The following RBBP8 variants were observed in gnomAD, a reference collection of about 807,000 sequenced individuals.
RBBP8 encodes RB binding protein 8, endonuclease, also known as DNA endonuclease RBBP8.
RBBP8 carries 88 observed loss-of-function variants against 108.3 expected under a neutral mutation model. That is an observed-to-expected ratio of 0.81 (90% CI 0.68 to 0.97). The LOEUF (loss-of-function observed/expected upper bound fraction) is 0.97, where lower values mean the gene tolerates loss of function less well. Among genes scored for constraint, RBBP8 ranks in the 50% least tolerant of loss-of-function variants. The pLI, the probability that RBBP8 is intolerant of heterozygous loss-of-function variation, is 0.00. For synonymous variants in RBBP8, 332 were observed against 348.2 expected, an observed-to-expected ratio of 0.95 and a Z score of 0.52; for missense variants, 1,023 against 1,049.0, an observed-to-expected ratio of 0.98 and a Z score of 0.34.
rs142117391 is a variant in RBBP8 at position 23,026,204 on chromosome 18, A to G, written c.2658A>G (p.Ala886=). Residue 886 remains alanine, a synonymous_variant, in exon 19 of 19, where the codon GCA becomes GCG. Coordinates refer to ENST00000327155, the MANE Select transcript of RBBP8 (RefSeq NM_002894.3). ...PRPKRRQPYN[A]IFSPKGKEQK... ...CAAAAAGACGTCAGCCTTACAACGCAATATTTTCTCCAAAAGGCAAGGAGC... is the reference window on the plus strand; with the variant it reads ...CAAAAAGACGTCAGCCTTACAACGCGATATTTTCTCCAAAAGGCAAGGAGC... 7.4e-6 allele frequency: 12 copies of G among 1,613,754 alleles called. No individual in the cohort carries two copies. In the African/African-American group the frequency reaches 1.1e-4, roughly 14 times the overall value.
chr18:22,990,892 AAC>A, intron 9 of RBBP8, 43 bp from the exon 10 acceptor site: 1 of 1,437,102 alleles, frequency 7.0e-7, no homozygotes, highest in Non-Finnish European at 9.8e-7. Flanking sequence ...TTTAAGAATG[AAC>A]AAATCCCATT....
chr18:22,975,111 T>C, intron 5 of RBBP8, 42 bp from the exon 6 acceptor site: 2 of 1,559,156 alleles, frequency 1.3e-6, no homozygotes, highest in Non-Finnish European at 8.8e-7. Context: ...TAGATGTTAA[T>C]ATAAATATAT....
rs748219926 is a variant in RBBP8 at position 22,993,599 on chromosome 18, G to A, written c.1772G>A (p.Arg591His). 48 of 1,614,074 alleles carry A rather than the reference G, an allele frequency of 3.0e-5. 1 individual carries two copies. The highest frequency in any genetic ancestry group is 6.7e-5 in the East Asian group (3 of 44,906). The change falls in exon 11 of 19, where the codon CGT becomes CAT. Residue 591 changes from arginine (R) to histidine (H), a missense_variant. By Grantham distance (29) the Arg-to-His change is conservative. Coordinates refer to ENST00000327155, the MANE Select transcript of RBBP8 (RefSeq NM_002894.3). ...GTCTTTAAAATTCCTCTACGTCCAC[G>A]TGAAAGTTTGGAGACTGAGAATGTT... ...NAVFKIPLRPRESLETENVLD... is the reference protein window; with the variant it reads ...NAVFKIPLRPHESLETENVLD...
At chr18:23,009,033 A>G (rs2046110299) in intron 16 of RBBP8, among the ~76,000 whole-genome samples, 4 of 152,062 alleles carry the variant, frequency 2.6e-5, no homozygotes. Flanking sequence ...TCGGCCTCCC[A>G]AAGTGCTGGG....
chr18:23,002,886 A>G (rs1220432210), intron 15 of RBBP8, among the ~76,000 whole-genome samples: 1 of 152,212 alleles, frequency 6.6e-6, no homozygotes, highest in Non-Finnish European at 1.5e-5. Flanking sequence ...AAATTTTGAA[A>G]TAAAAATTCA....
intron 6 of RBBP8, among the ~76,000 whole-genome samples, chr18:22,980,963 G>GTTTT (rs1567975146): frequency 1.5e-4 from 4 of 26,490 alleles, no homozygotes; most frequent in African/African-American, 2.7e-4. Context: ...AGCCACTTAT[G>GTTTT]TCTTTTTTTT....
intron 2 of RBBP8, among the ~76,000 whole-genome samples, chr18:22,940,458 C>T (rs1910986726): frequency 6.6e-6 from 1 of 151,006 alleles, no homozygotes; most frequent in African/African-American, 2.4e-5. Flanking sequence ...CTAGCTGGGA[C>T]TACAAGCACC....
At chr18:23,001,940 C>A (rs912161127) in intron 15 of RBBP8, among the ~76,000 whole-genome samples, 5 of 152,184 alleles carry the variant, frequency 3.3e-5, no homozygotes, top group Non-Finnish European at 4.4e-5. Context: ...ACCTTTGACC[C>A]AACCTCTCCT....
intron 2 of RBBP8, among the ~76,000 whole-genome samples, chr18:22,945,508 C>T (rs942951994): frequency 1.3e-5 from 2 of 152,106 alleles, no homozygotes; most frequent in South Asian, 2.1e-4. Context: ...CCCAGCCTCC[C>T]GAGTAGCTAG....
At chr18:22,991,571 C>T (rs996561638) in intron 10 of RBBP8, among the ~76,000 whole-genome samples, 1 of 152,166 alleles carries the variant, frequency 6.6e-6, no homozygotes, top group African/African-American at 2.4e-5. Context: ...TTGCATATAA[C>T]CTGTGCATAT....
At chr18:22,943,401 T>C (rs1911268753) in intron 2 of RBBP8, among the ~76,000 whole-genome samples, 1 of 152,044 alleles carries the variant, frequency 6.6e-6, no homozygotes, top group South Asian at 2.1e-4. Context: ...ATTGCACCAC[T>C]GCACCCCAGC....
chr18:22,953,285 C>T (rs1912199245), intron 4 of RBBP8, among the ~76,000 whole-genome samples: 1 of 152,182 alleles, frequency 6.6e-6, no homozygotes, highest in African/African-American at 2.4e-5. Flanking sequence ...TGAAGGATTT[C>T]ACAGCACAGA....
At chr18:22,992,090 A>G (rs1455298661) in intron 10 of RBBP8, among the ~76,000 whole-genome samples, 4 of 152,220 alleles carry the variant, frequency 2.6e-5, no homozygotes, top group Admixed American at 2.0e-4. Flanking sequence ...CCTCTGCTAG[A>G]GACAGGCTGA....
chr18:22,969,916 A>G (rs2144597035), intron 5 of RBBP8, among the ~76,000 whole-genome samples: 1 of 152,314 alleles, frequency 6.6e-6, no homozygotes, highest in South Asian at 2.1e-4. Context: ...GAATATTATC[A>G]ATGAGTAGAA....
chr18:22,974,732 A>G (rs1914378236), intron 5 of RBBP8, among the ~76,000 whole-genome samples: 1 of 152,210 alleles, frequency 6.6e-6, no homozygotes, highest in African/African-American at 2.4e-5. Flanking sequence ...TGCTGGGATT[A>G]CAGCTGTGAG....
At chr18:22,944,505 T>C (rs1235156024) in intron 2 of RBBP8, among the ~76,000 whole-genome samples, 1 of 152,078 alleles carries the variant, frequency 6.6e-6, no homozygotes. Context: ...AGGGAAAACA[T>C]GTGCATGGAT....
chr18:22,969,110 A>G (rs893973170), intron 5 of RBBP8, among the ~76,000 whole-genome samples, 192 bp downstream of exon 5: 5 of 151,850 alleles, frequency 3.3e-5, no homozygotes, highest in African/African-American at 4.8e-5. Context: ...AGGGTACAAA[A>G]AGGTTGTGCA....
At chr18:22,937,196 C>T (rs1910646709) in intron 2 of RBBP8, 3 of 667,366 alleles carry the variant, frequency 4.5e-6, no homozygotes, top group East Asian at 8.6e-5. Flanking sequence ...TCCCCACCCT[C>T]TTCCCACCCC....
Position 22,999,917 on chromosome 18 carries a change from C to G in RBBP8, c.2144-1669C>G, listed in dbSNP as rs12605740. ...TTACAAACAGCATACACAGAATGTTCCGAGGATGCCTAGCACAATGCCTGG... is the reference window on the plus strand; with the variant it reads ...TTACAAACAGCATACACAGAATGTTGCGAGGATGCCTAGCACAATGCCTGG... On this transcript the variant is annotated intron_variant, in intron 14 of 18. Transcript: ENST00000327155. Among the ~76,000 whole-genome samples, 97 of 152,246 alleles carry G rather than the reference C, an allele frequency of 6.4e-4. 3 individuals carry two copies. The East Asian group carries it at 0.016, about 25-fold the overall frequency.
Sources: gnomAD v4.1 joint callset for allele counts (sites outside exome capture counted in the v4.1 genomes callset) on GRCh38, gnomAD v4.1.1 for gene constraint, MANE v1.5 for transcripts, NCBI Gene and HGNC (gene_info 2026-07-23, HGNC 2026-07-21) for gene names.